The following TAF4B variants were observed in gnomAD, a reference collection of about 807,000 sequenced individuals.
The protein encoded by TAF4B is transcription initiation factor TFIID subunit 4B.
In TAF4B, 38 loss-of-function variants were observed where a neutral mutation model predicts 86.4. The observed-to-expected ratio is 0.44, with a 90% confidence interval of 0.34 to 0.58. The LOEUF (loss-of-function observed/expected upper bound fraction) is 0.58, where lower values mean the gene tolerates loss of function less well. Among genes scored for constraint, TAF4B ranks in the 20% least tolerant of loss-of-function variants. The probability of loss-of-function intolerance (pLI) is 0.02; values close to 1 mark genes in which losing one functional copy is unlikely to be tolerated. For missense variants in TAF4B, 988 were observed against 1,027.6 expected (o/e 0.96, Z 0.53); for synonymous variants, 388 against 391.2 (o/e 0.99, Z 0.10).
At position 26,321,157 on chromosome 18, in the gene TAF4B, A is replaced by T; in HGVS notation, c.2090A>T (p.Glu697Val). 1 of 1,613,912 alleles carries T rather than the reference A, an allele frequency of 6.2e-7. No homozygotes were observed. Among genetic ancestry groups the T allele is most frequent in the Middle Eastern group, 1.7e-4 (1 of 6,058 alleles). Residue 697 changes from glutamate (E) to valine (V), a missense_variant, in exon 11 of 15, where the codon GAA becomes GTA. This residue lies in a region of TAF4B where 216 missense variants were observed against 238.4 expected (regional missense o/e 0.91). Coordinates refer to ENST00000269142, the MANE Select transcript of TAF4B (RefSeq NM_005640.3). ...ATQERLRGLL[E>V]KLTAIAQHRM... ...CAGGAACGACTACGAGGCCTTCTAG[A>T]AAAACTGACTGCAATTGCTCAGCAT...
chr18:26,311,209 CAT>C (rs201539000), intron 9 of TAF4B, among the ~76,000 whole-genome samples: 108 of 152,284 alleles, frequency 7.1e-4, no homozygotes, highest in East Asian at 6.4e-3. Flanking sequence ...CAGAGACAAA[CAT>C]GTGCTCTCAG....
chr18:26,291,706 CAAAAAAAA>C (rs551155639), intron 7 of TAF4B, among the ~76,000 whole-genome samples: 1 of 111,836 alleles, frequency 8.9e-6, no homozygotes, highest in Non-Finnish European at 1.8e-5. Context: ...GACTCTGTCT[CAAAAAAAA>C]AAAAAAAAGA....
intron 5 of TAF4B, among the ~76,000 whole-genome samples, chr18:26,279,211 T>G (rs1032677757): frequency 2.6e-5 from 4 of 152,086 alleles, no homozygotes; most frequent in Non-Finnish European, 5.9e-5. Context: ...AAAATCAGCA[T>G]TTCTATACAC....
intron 1 of TAF4B, among the ~76,000 whole-genome samples, chr18:26,235,504 T>C (rs990460369): frequency 5.9e-5 from 9 of 152,324 alleles, no homozygotes; most frequent in Non-Finnish European, 1.0e-4. Context: ...TAGAGTAGCC[T>C]GCTGGCATGA....
At chr18:26,240,367 A>G (rs2055818137) in intron 1 of TAF4B, among the ~76,000 whole-genome samples, 1 of 152,194 alleles carries the variant, frequency 6.6e-6, no homozygotes, top group South Asian at 2.1e-4. Flanking sequence ...GAGTTCCCTC[A>G]GGATTTGGCT....
chr18:26,250,303 C>G (rs539744244), intron 1 of TAF4B, among the ~76,000 whole-genome samples: 3 of 152,084 alleles, frequency 2.0e-5, no homozygotes, highest in African/African-American at 4.8e-5. Flanking sequence ...CGAGACTGTC[C>G]TGGCTAACAC....
chr18:26,231,533 G>A (rs1275017933), intron 1 of TAF4B, among the ~76,000 whole-genome samples: 1 of 151,472 alleles, frequency 6.6e-6, no homozygotes, highest in Non-Finnish European at 1.5e-5. Context: ...TTTCTTTTTA[G>A]TAAAGACAGG....
chr18:26,303,483 C>A (rs1345708560), intron 9 of TAF4B, among the ~76,000 whole-genome samples: 10 of 52,158 alleles, frequency 1.9e-4, no homozygotes, highest in Non-Finnish European at 2.2e-4. Context: ...CCACTTTCAT[C>A]CTCCCTCCAC....
intron 1 of TAF4B, among the ~76,000 whole-genome samples, chr18:26,257,842 C>CGTGTGTGTGTGTGT (rs57275139): frequency 2.8e-5 from 4 of 141,436 alleles, no homozygotes; most frequent in Non-Finnish European, 6.1e-5. Flanking sequence ...CCTCTGCGTG[C>CGTGTGTGTGTGTGT]GTGTGTGTGT....
chr18:26,323,545 T>G (rs1318453609), intron 11 of TAF4B, among the ~76,000 whole-genome samples: 1 of 123,688 alleles, frequency 8.1e-6, no homozygotes, highest in African/African-American at 3.0e-5. Flanking sequence ...TTTTTTTTTT[T>G]GAGACAGGGG....
chr18:26,294,560 AAAAT>A (rs1243123444), intron 9 of TAF4B, among the ~76,000 whole-genome samples: 3 of 148,896 alleles, frequency 2.0e-5, no homozygotes, highest in Non-Finnish European at 1.5e-5. Flanking sequence ...ACAAATATAT[AAAAT>A]AAATTTTTAT....
intron 1 of TAF4B, among the ~76,000 whole-genome samples, chr18:26,237,447 C>T (rs925609170): frequency 6.6e-6 from 1 of 152,092 alleles, no homozygotes; most frequent in Admixed American, 6.6e-5. Flanking sequence ...CCAAATTTCC[C>T]TTCCCCTACA....
intron 5 of TAF4B, among the ~76,000 whole-genome samples, chr18:26,276,802 C>G (rs2056389615): frequency 6.6e-6 from 1 of 152,072 alleles, no homozygotes; most frequent in Non-Finnish European, 1.5e-5. Flanking sequence ...ATGGAATACT[C>G]TAGATGAAGA....
At chr18:26,313,238 C>T (rs1237549909) in intron 9 of TAF4B, among the ~76,000 whole-genome samples, 2 of 152,140 alleles carry the variant, frequency 1.3e-5, no homozygotes, top group Non-Finnish European at 2.9e-5. Context: ...GGTTAGGATT[C>T]TGTTTTGCAG....
chr18:26,302,418 T>C (rs577772124), intron 9 of TAF4B, among the ~76,000 whole-genome samples: 213 of 137,860 alleles, frequency 1.5e-3, no homozygotes, highest in African/African-American at 5.2e-3. Context: ...TCACCTAGGC[T>C]GGAGTGCATT....
chr18:26,275,264 T>C (rs993699710), intron 5 of TAF4B, among the ~76,000 whole-genome samples: 4 of 152,210 alleles, frequency 2.6e-5, no homozygotes, highest in African/African-American at 7.2e-5. Context: ...CAAATGATTC[T>C]CCTGCCTCAG....
In TAF4B at chr18:26,271,457, A is replaced by G. The variant is rs2056318069; in HGVS notation, c.598-3206A>G. 2.6e-5 allele frequency among the ~76,000 whole-genome samples: 4 copies of G among 152,068 alleles called. No individual in the cohort carries two copies. In the South Asian group the frequency reaches 8.3e-4, roughly 32 times the overall value. On this transcript the variant is annotated intron_variant, in intron 3 of 14. Coordinates refer to ENST00000269142, the MANE Select transcript of TAF4B (RefSeq NM_005640.3). ...ATTTCATCTTCTAAATTTCCATACA[A>G]CTCATTTTATTGGCTCTGTGTAGAA...
intron 1 of TAF4B, among the ~76,000 whole-genome samples, chr18:26,263,720 T>G (rs1277840254): frequency 6.6e-6 from 1 of 152,054 alleles, no homozygotes; most frequent in African/African-American, 2.4e-5. Flanking sequence ...TTTCTCTCTC[T>G]CTCTCTCTTT....
intron 1 of TAF4B, among the ~76,000 whole-genome samples, chr18:26,243,465 CTAGT>C (rs919630410): frequency 6.6e-6 from 1 of 152,114 alleles, no homozygotes; most frequent in Non-Finnish European, 1.5e-5. Context: ...ACTGTTTATT[CTAGT>C]TAGTCATTCG....
Sources: gnomAD v4.1 joint callset for allele counts (sites outside exome capture counted in the v4.1 genomes callset) on GRCh38, gnomAD v4.1.1 for gene constraint, gnomAD v4.1.1 regional missense constraint, MANE v1.5 for transcripts, NCBI Gene and HGNC (gene_info 2026-07-23, HGNC 2026-07-21) for gene names.